The following CLDN14 variants were observed in gnomAD, a reference collection of about 807,000 sequenced individuals.
CLDN14 encodes the protein claudin 14.
Under a neutral mutation model 2.1 loss-of-function variants are expected in CLDN14, and 2 were observed. The observed-to-expected ratio is 0.96, with a 90% CI of 0.39 to 3.01. The LOEUF (loss-of-function observed/expected upper bound fraction) is 3.01. CLDN14 is among the 30% of genes most tolerant of loss of function. The pLI is 0.09. For synonymous variants in CLDN14, 136 were observed against 154.4 expected, an observed-to-expected ratio of 0.88 and a Z score of 0.88; for missense variants, 298 against 328.0, an observed-to-expected ratio of 0.91 and a Z score of 0.71.
intron 2 of CLDN14, among the ~76,000 whole-genome samples, chr21:36,505,545 G>A: frequency 6.6e-6 from 1 of 152,138 alleles, no homozygotes; most frequent in Non-Finnish European, 1.5e-5. Context: ...AACACCTCGG[G>A]GAGTCCCAGC....
At chr21:36,553,306 G>C (rs1342719953) in intron 1 of CLDN14, among the ~76,000 whole-genome samples, 14 of 152,144 alleles carry the variant, frequency 9.2e-5, no homozygotes, top group Non-Finnish European at 1.6e-4. Context: ...CGAGAGGAAG[G>C]GGAAGGTGGA....
At chr21:36,490,008 CCAG>C (rs1186013023) in intron 2 of CLDN14, among the ~76,000 whole-genome samples, 2 of 152,188 alleles carry the variant, frequency 1.3e-5, no homozygotes, top group Non-Finnish European at 2.9e-5. Flanking sequence ...TTCTCCACTC[CCAG>C]GCCCAGCTGT....
chr21:36,534,135 C>T (rs968507598), intron 1 of CLDN14, among the ~76,000 whole-genome samples: 3 of 151,798 alleles, frequency 2.0e-5, no homozygotes, highest in Admixed American at 2.0e-4. Context: ...GAGTTTCACT[C>T]TTGTTGCCCA....
rs534120064 is a variant in CLDN14, at chr21:36,556,155, G to A, written c.-220+20256C>T. ...CGGGGACCCTTTCTTCTTCCAGTTTGCAGTTTGTAGAGCAAAGGGACTTAG... is the reference window on the plus strand; with the variant it reads ...CGGGGACCCTTTCTTCTTCCAGTTTACAGTTTGTAGAGCAAAGGGACTTAG... On this transcript the variant is annotated intron_variant, in intron 1 of 2. Coordinates refer to the CLDN14 transcript ENST00000342108. 4.6e-5 allele frequency among the ~76,000 whole-genome samples: 7 copies of A among 152,232 alleles called. No homozygotes were observed. The South Asian group carries it at 1.5e-3, about 32-fold the overall frequency.
rs547523762 is a variant in CLDN14, at chr21:36,460,761, A to AT, written c.*214dup. On this transcript the variant is annotated 3_prime_UTR_variant, in exon 2 of 2. Transcript: ENST00000399135. This position sits in a 1 kb window ranked among gnomAD's most constrained non-coding sequence, Gnocchi z 4.0. Reference sequence around the variant, plus strand: ...TATAATAAATACAAAAACAGACAGGATTTTTTTTTTCAGTCTTTGGTATAG... The same window carrying AT: ...TATAATAAATACAAAAACAGACAGGATTTTTTTTTTTCAGTCTTTGGTATAG... The AT allele has an allele frequency of 7.9e-3, 4,126 of 523,788 alleles. 15 individuals are homozygous for AT. The highest frequency in any genetic ancestry group is 0.03 in the African/African-American group (1,534 of 51,918). The allele number at this position is 523,788 out of a possible 1,614,324, so 32.4% of individuals were successfully genotyped here. A position where few individuals can be genotyped will look rare whatever the true frequency, so the allele number is the denominator to read the frequency against.
chr21:36,482,165 A>G (rs558165768), upstream of CLDN14, among the ~76,000 whole-genome samples: 44 of 152,360 alleles, frequency 2.9e-4, no homozygotes, highest in Admixed American at 6.5e-4. Flanking sequence ...TCTAAGGAAT[A>G]AAGATTTAAT....
chr21:36,507,501 C>T (rs1855538038), intron 2 of CLDN14, among the ~76,000 whole-genome samples: 1 of 152,182 alleles, frequency 6.6e-6, no homozygotes, highest in Non-Finnish European at 1.5e-5. Flanking sequence ...TGGTGGCTCA[C>T]ACCTGTAATC....
chr21:36,528,348 G>A (rs928729697), intron 1 of CLDN14, among the ~76,000 whole-genome samples: 7 of 152,200 alleles, frequency 4.6e-5, no homozygotes, highest in Non-Finnish European at 8.8e-5. Context: ...TCTTCCAGAT[G>A]TGGAAAGTGA....
At chr21:36,525,950 C>G (rs954465531) in intron 1 of CLDN14, among the ~76,000 whole-genome samples, 1 of 152,134 alleles carries the variant, frequency 6.6e-6, no homozygotes, top group East Asian at 1.9e-4. Flanking sequence ...GCCCCTGGAC[C>G]AGAGGGAAGC....
At position 36,551,584 on chromosome 21, in the gene CLDN14, G is replaced by C. The variant is rs2087563596; in HGVS notation, c.-220+24827C>G. Reference sequence around the variant, plus strand: ...AGAGATGGGTCTAACAGCTGGGCATGCTGGTCTTGTGATCTGGATCTGAGA... The same window carrying C: ...AGAGATGGGTCTAACAGCTGGGCATCCTGGTCTTGTGATCTGGATCTGAGA... On this transcript the variant is annotated intron_variant, in intron 1 of 2. Transcript: ENST00000342108. This position sits in a 1 kb window ranked among gnomAD's most constrained non-coding sequence, Gnocchi z 4.8. Among the ~76,000 whole-genome samples, 1 of 152,168 alleles carries C rather than the reference G, an allele frequency of 6.6e-6. No individual in the cohort carries two copies. The highest frequency in any genetic ancestry group is 1.5e-5 in the Non-Finnish European group (1 of 68,032).
intron 1 of CLDN14, among the ~76,000 whole-genome samples, chr21:36,517,298 A>C (rs149356816): frequency 1.3e-5 from 2 of 152,220 alleles, no homozygotes; most frequent in African/African-American, 4.8e-5. Context: ...TCATCCTACC[A>C]CTATAGTGCT....
intron 2 of CLDN14, chr21:36,486,820 G>T: frequency 2.7e-6 from 2 of 740,364 alleles, no homozygotes; most frequent in Admixed American, 1.9e-5. Flanking sequence ...AGCCAGATGG[G>T]CCATGTGGAT....
intron 1 of CLDN14, among the ~76,000 whole-genome samples, chr21:36,462,448 A>G (rs912431130): frequency 3.3e-5 from 5 of 152,028 alleles, no homozygotes; most frequent in African/African-American, 9.7e-5. Context: ...CCCATTCACT[A>G]TGCCTGCTTG....
In CLDN14 at chr21:36,507,882, C is replaced by T. The variant is rs145318544; in HGVS notation, c.-82+2481G>A. ...GACACACACATTTCCTGTTTAATTC[C>T]ACCCTGCACAGTGCTGATTCACTAT... On this transcript the variant is annotated intron_variant, in intron 2 of 2. Coordinates refer to the CLDN14 transcript ENST00000342108. Among the ~76,000 whole-genome samples, 397 of 152,294 alleles carry T rather than the reference C, an allele frequency of 2.6e-3. 1 individual carries two copies. Among genetic ancestry groups the T allele is most frequent in the Non-Finnish European group, 4.5e-3 (303 of 68,024 alleles).
chr21:36,511,942 A>C (rs1447025111), intron 1 of CLDN14, among the ~76,000 whole-genome samples: 1 of 152,094 alleles, frequency 6.6e-6, no homozygotes, highest in African/African-American at 2.4e-5. Flanking sequence ...GCCTCAAGAC[A>C]CCTCAAAGGG....
chr21:36,520,062 G>T (rs2087258644), intron 1 of CLDN14, among the ~76,000 whole-genome samples: 1 of 152,190 alleles, frequency 6.6e-6, no homozygotes, highest in African/African-American at 2.4e-5. Flanking sequence ...GCAGGGCTGT[G>T]CTCCCTCTGA....
chr21:36,566,033 A>G (rs1219504092), intron 1 of CLDN14, among the ~76,000 whole-genome samples: 2 of 152,224 alleles, frequency 1.3e-5, no homozygotes, highest in African/African-American at 4.8e-5. Flanking sequence ...ACTTGAAGCC[A>G]TCAGTCTTAT....
chr21:36,561,300 T>C (rs1601637486), intron 1 of CLDN14, among the ~76,000 whole-genome samples: 1 of 152,228 alleles, frequency 6.6e-6, no homozygotes, highest in Non-Finnish European at 1.5e-5. Context: ...GTGCTGGCTG[T>C]TCCCCACTGG....
chr21:36,547,957 C>T (rs573576778), intron 1 of CLDN14, among the ~76,000 whole-genome samples: 1 of 152,340 alleles, frequency 6.6e-6, no homozygotes, highest in East Asian at 1.9e-4. Context: ...CATTACCTGG[C>T]GGTGTCACTT....
Sources: allele counts gnomAD v4.1 joint callset (sites outside exome capture counted in the v4.1 genomes callset), GRCh38; gene constraint gnomAD v4.1.1; non-coding constraint Gnocchi (gnomAD v3.1); transcripts MANE v1.5; gene names NCBI Gene and HGNC (gene_info 2026-07-23, HGNC 2026-07-21).